The following PPP1R1C variants were observed in gnomAD, a reference collection of about 807,000 sequenced individuals.
PPP1R1C encodes protein phosphatase 1 regulatory inhibitor subunit 1C, also known as protein phosphatase 1 regulatory subunit 1C.
Under a neutral mutation model 17.4 loss-of-function variants are expected in PPP1R1C, and 15 were observed. That is an observed-to-expected ratio of 0.86 (90% CI 0.58 to 1.33). The LOEUF (loss-of-function observed/expected upper bound fraction) is 1.33. PPP1R1C is among the 40% of genes most tolerant of loss of function. PPP1R1C has a pLI of 0.00. For missense variants in PPP1R1C, 143 were observed against 130.0 expected, an observed-to-expected ratio of 1.10 and a Z score of -0.48; for synonymous variants, 35 against 43.1, an observed-to-expected ratio of 0.81 and a Z score of 0.73.
At chr2:182,025,075 G>T (rs1322525523) in intron 2 of PPP1R1C, among the ~76,000 whole-genome samples, 2 of 147,360 alleles carry the variant, frequency 1.4e-5, no homozygotes, top group African/African-American at 2.5e-5. Flanking sequence ...GCATAAATTT[G>T]TGCAAAAAAT....
chr2:182,060,376 G>A (rs1197495387), intron 2 of PPP1R1C, among the ~76,000 whole-genome samples: 3 of 152,020 alleles, frequency 2.0e-5, no homozygotes, highest in African/African-American at 4.8e-5. Flanking sequence ...GCATATATAT[G>A]TATATCCACA....
At chr2:182,130,870 T>C (rs575336879), downstream of PPP1R1C, 2 of 152,296 alleles carry the variant, frequency 1.3e-5, no homozygotes, top group Admixed American at 1.3e-4. Flanking sequence ...GACATGAAGG[T>C]CAATTCTAAG....
At chr2:181,972,343 T>C (rs951188172) in intron 1 of PPP1R1C, among the ~76,000 whole-genome samples, 2 of 152,152 alleles carry the variant, frequency 1.3e-5, no homozygotes. Context: ...GTACGAAAAA[T>C]GGCGAACAAA....
At chr2:182,028,420 C>T (rs1686696500) in intron 2 of PPP1R1C, among the ~76,000 whole-genome samples, 1 of 151,658 alleles carries the variant, frequency 6.6e-6, no homozygotes, top group African/African-American at 2.4e-5. Context: ...TGTCTTTGTT[C>T]TCATTGGTTT....
intron 4 of PPP1R1C, among the ~76,000 whole-genome samples, chr2:182,109,693 C>G (rs1559096783): frequency 6.6e-6 from 1 of 152,066 alleles, no homozygotes; most frequent in Non-Finnish European, 1.5e-5. Flanking sequence ...CTATGCTGTT[C>G]CATTGTTCTC....
At chr2:182,031,593 C>T (rs1207189419) in intron 2 of PPP1R1C, among the ~76,000 whole-genome samples, 2 of 152,160 alleles carry the variant, frequency 1.3e-5, no homozygotes, top group African/African-American at 4.8e-5. Context: ...AAAAGCCTTG[C>T]TGTAATTACT....
At position 182,116,471 on chromosome 2, in the gene PPP1R1C, A is replaced by G. The variant is rs74584754; in HGVS notation, c.242-736A>G. Among the ~76,000 whole-genome samples the G allele has an allele frequency of 3.6e-4, 55 of 152,246 alleles. No homozygotes were observed. The East Asian group carries it at 0.01, about 28-fold the overall frequency. The stretch of plus-strand genomic sequence containing the variant: ...GTGGGAGATTATCATGTGTGTGTGT[A>G]GGATGAAGATGTCTGGCAATGAGAA... On this transcript the variant is annotated intron_variant, in intron 4 of 4. Transcript: ENST00000682840.
chr2:182,084,863 A>G (rs1436729064), intron 4 of PPP1R1C, among the ~76,000 whole-genome samples: 3 of 152,074 alleles, frequency 2.0e-5, no homozygotes, highest in African/African-American at 7.2e-5. Context: ...CCATTTCACA[A>G]TATTGATTCT....
intron 5 of PPP1R1C, among the ~76,000 whole-genome samples, chr2:182,127,628 A>T (rs977640278): frequency 6.6e-6 from 1 of 152,084 alleles, no homozygotes; most frequent in Admixed American, 6.6e-5. Flanking sequence ...CCAATAACAA[A>T]GAAGCAAAAC....
intron 2 of PPP1R1C, among the ~76,000 whole-genome samples, chr2:182,035,479 C>G (rs1686976446): frequency 6.6e-6 from 1 of 152,128 alleles, no homozygotes; most frequent in South Asian, 2.1e-4. Context: ...TAGTTTGTCT[C>G]TGTGTCCCCA....
chr2:182,100,679 C>A (rs1689074007), intron 4 of PPP1R1C, among the ~76,000 whole-genome samples: 1 of 152,120 alleles, frequency 6.6e-6, no homozygotes, highest in Non-Finnish European at 1.5e-5. Flanking sequence ...GCCTGCTGAA[C>A]CTCAGGAAAT....
intron 2 of PPP1R1C, among the ~76,000 whole-genome samples, chr2:182,044,648 T>G (rs1269925282): frequency 1.3e-5 from 2 of 152,218 alleles, no homozygotes; most frequent in Non-Finnish European, 2.9e-5. Flanking sequence ...AGCACTTATT[T>G]ATCATACTGT....
chr2:182,029,478 G>A (rs1210616248), intron 2 of PPP1R1C, among the ~76,000 whole-genome samples: 2 of 150,570 alleles, frequency 1.3e-5, no homozygotes, highest in Non-Finnish European at 2.9e-5. Context: ...ATGAATCTTA[G>A]TTTGGCTGGA....
intron 2 of PPP1R1C, among the ~76,000 whole-genome samples, chr2:182,057,853 TAAG>T (rs1407444039): frequency 6.6e-6 from 1 of 152,126 alleles, no homozygotes; most frequent in African/African-American, 2.4e-5. Context: ...ATTCTGACAG[TAAG>T]AACAAAAATG....
At chr2:182,021,991 TA>T (rs912853975) in intron 2 of PPP1R1C, among the ~76,000 whole-genome samples, 41 of 152,284 alleles carry the variant, frequency 2.7e-4, no homozygotes, top group Admixed American at 1.7e-3. Flanking sequence ...CAATCAGAGT[TA>T]AAAAGCAAGA....
chr2:181,964,798 C>T lies in PPP1R1C; in HGVS notation n.111+10164C>T, dbSNP rs147704198. On this transcript the variant is annotated intron_variant and non_coding_transcript_variant, in intron 1 of 5. Coordinates refer to the PPP1R1C transcript ENST00000464264. ...TCAGCTCACTACAACATCCGCCTCC[C>T]GGGTTCAAGAGATTCTCCTGCCACA... 6.5e-3 allele frequency among the ~76,000 whole-genome samples: 991 copies of T among 152,240 alleles called. 5 individuals carry two copies. Among genetic ancestry groups the T allele is most frequent in the Non-Finnish European group, 0.01 (704 of 68,012 alleles).
At chr2:182,078,849 C>T (rs76907903) in intron 4 of PPP1R1C, among the ~76,000 whole-genome samples, 3,454 of 152,222 alleles carry the variant, frequency 0.023, 138 homozygotes, top group African/African-American at 0.08. Flanking sequence ...AACACTACTC[C>T]TGAGAAATCT....
At chr2:182,095,174 C>CCCA (rs1170564821) in intron 4 of PPP1R1C, among the ~76,000 whole-genome samples, 7 of 152,062 alleles carry the variant, frequency 4.6e-5, no homozygotes, top group Non-Finnish European at 1.0e-4. Context: ...TGGCATGGAC[C>CCCA]TGTAGTCCCA....
intron 4 of PPP1R1C, among the ~76,000 whole-genome samples, chr2:182,073,971 C>T (rs1402531797): frequency 1.3e-5 from 2 of 151,840 alleles, no homozygotes; most frequent in East Asian, 1.9e-4. Context: ...GACACGTTGC[C>T]ATATTTCTTG....
Sources: gnomAD v4.1 joint callset for allele counts (sites outside exome capture counted in the v4.1 genomes callset) on GRCh38, gnomAD v4.1.1 for gene constraint, MANE v1.5 for transcripts, NCBI Gene and HGNC (gene_info 2026-07-23, HGNC 2026-07-21) for gene names.